Variants in SPMIP11 observed in about 807,000 individuals in gnomAD.
The protein encoded by SPMIP11 is long intergenic non-protein coding RNA 935.
chr12:48,753,734 C>T, the SPMIP11 span, among the ~76,000 whole-genome samples: 1 of 135,500 alleles, frequency 7.4e-6, no homozygotes, highest in South Asian at 2.6e-4. Flanking sequence ...GACAGTCTCA[C>T]TCTGTCGCCC....
the SPMIP11 span, among the ~76,000 whole-genome samples, chr12:48,753,692 C>CTTTCTT: frequency 8.4e-6 from 1 of 118,820 alleles, no homozygotes; most frequent in African/African-American, 3.1e-5. Flanking sequence ...TTTTTTTTTT[C>CTTTCTT]TTTTTTTTTT....
chr12:48,739,735 C>T, the SPMIP11 span, among the ~76,000 whole-genome samples: 55 of 152,242 alleles, frequency 3.6e-4, no homozygotes, highest in African/African-American at 9.9e-4. Flanking sequence ...CTCACTATCA[C>T]GAGAACAGCA....
At chr12:48,742,439 A>C in the SPMIP11 span, among the ~76,000 whole-genome samples, 1 of 149,252 alleles carries the variant, frequency 6.7e-6, no homozygotes, top group Non-Finnish European at 1.5e-5. Flanking sequence ...CTGCCACCAC[A>C]CCCGGCTAAT....
At chr12:48,733,007 A>C in the SPMIP11 span, among the ~76,000 whole-genome samples, 1 of 151,640 alleles carries the variant, frequency 6.6e-6, no homozygotes, top group Non-Finnish European at 1.5e-5. Context: ...CTGGGCAACA[A>C]GAGCAAAACT....
chr12:48,770,977 A>G, the SPMIP11 span: 1 of 1,612,706 alleles, frequency 6.2e-7, no homozygotes, highest in South Asian at 1.1e-5. Flanking sequence ...TAATCTGAAC[A>G]ACACAAGGAG....
the SPMIP11 span, among the ~76,000 whole-genome samples, chr12:48,760,033 G>A: frequency 6.6e-6 from 1 of 152,200 alleles, no homozygotes; most frequent in South Asian, 2.1e-4. Context: ...CTGACCTCAG[G>A]TGATCCACCC....
At chr12:48,764,181 G>T in the SPMIP11 span, among the ~76,000 whole-genome samples, 3 of 151,408 alleles carry the variant, frequency 2.0e-5, no homozygotes, top group East Asian at 5.8e-4. Context: ...TAGAGACGGG[G>T]TTTCTCCATG....
At chr12:48,739,914 G>C in the SPMIP11 span, among the ~76,000 whole-genome samples, 1 of 152,140 alleles carries the variant, frequency 6.6e-6, no homozygotes, top group Non-Finnish European at 1.5e-5. Flanking sequence ...AATTCTAGAT[G>C]TATCCTCCAC....
At chr12:48,739,701 T>C in the SPMIP11 span, among the ~76,000 whole-genome samples, 1 of 152,190 alleles carries the variant, frequency 6.6e-6, no homozygotes, top group East Asian at 1.9e-4. Flanking sequence ...CTATACGCTT[T>C]TAAACAACTA....
chr12:48,747,103 T>C, the SPMIP11 span, among the ~76,000 whole-genome samples: 2 of 152,132 alleles, frequency 1.3e-5, no homozygotes, highest in African/African-American at 4.8e-5. Context: ...AGTGCCGTAA[T>C]GAGGAGTAAC....
the SPMIP11 span, chr12:48,768,209 G>C: frequency 1.3e-3 from 390 of 295,968 alleles, no homozygotes; most frequent in Non-Finnish European, 2.3e-3. Flanking sequence ...GAAAAGAAGG[G>C]CTCAGCCCTG....
chr12:48,740,519 G>T, the SPMIP11 span, among the ~76,000 whole-genome samples: 6 of 147,246 alleles, frequency 4.1e-5, no homozygotes, highest in East Asian at 3.9e-4. Flanking sequence ...TTCAGACAGG[G>T]TCTCACTCTG....
At chr12:48,728,189 T>C in the SPMIP11 span, among the ~76,000 whole-genome samples, 1 of 152,256 alleles carries the variant, frequency 6.6e-6, no homozygotes, top group Admixed American at 6.5e-5. Context: ...AGACCTCTGC[T>C]ATAAAGTGAC....
chr12:48,738,445 G>A, the SPMIP11 span, among the ~76,000 whole-genome samples: 3 of 151,998 alleles, frequency 2.0e-5, no homozygotes, highest in African/African-American at 7.2e-5. Flanking sequence ...TTCTCTGTGG[G>A]TATTGACAAG....
At chr12:48,733,056 T>A in the SPMIP11 span, among the ~76,000 whole-genome samples, 2 of 148,774 alleles carry the variant, frequency 1.3e-5, no homozygotes, top group Non-Finnish European at 3.0e-5. Context: ...TGTCTTCTCT[T>A]GATCCACAAG....
the SPMIP11 span, among the ~76,000 whole-genome samples, chr12:48,762,079 G>C: frequency 7.9e-6 from 1 of 127,060 alleles, no homozygotes; most frequent in Non-Finnish European, 1.6e-5. Context: ...TTTTGAGACG[G>C]AGTCTCTCTC....
At chr12:48,733,816 G>A in the SPMIP11 span, among the ~76,000 whole-genome samples, 13 of 142,246 alleles carry the variant, frequency 9.1e-5, no homozygotes, top group East Asian at 1.5e-3. Flanking sequence ...CTGTCGCCAG[G>A]CTGGAGTGCA....
chr12:48,733,905 G>C, the SPMIP11 span, among the ~76,000 whole-genome samples: 1 of 151,206 alleles, frequency 6.6e-6, no homozygotes. Flanking sequence ...CGAGTAGCTG[G>C]TACTACAGGC....
At chr12:48,736,695 G>C in the SPMIP11 span, among the ~76,000 whole-genome samples, 41 of 137,248 alleles carry the variant, frequency 3.0e-4, no homozygotes, top group Non-Finnish European at 5.4e-4. Context: ...TTCCTGGGTC[G>C]CATGTTTTTT....
Sources: gnomAD v4.1 joint callset for allele counts (sites outside exome capture counted in the v4.1 genomes callset) on GRCh38, gnomAD v4.1.1 for gene constraint, MANE v1.5 for transcripts, NCBI Gene and HGNC (gene_info 2026-07-23, HGNC 2026-07-21) for gene names.